The following FRMD5 variants were observed in gnomAD, a reference collection of about 807,000 sequenced individuals.
The protein encoded by FRMD5 is FERM domain-containing protein 5.
Under a neutral mutation model 69.0 loss-of-function variants are expected in FRMD5, and 20 were observed. The ratio of observed to expected loss-of-function variants is 0.29; its 90% CI spans 0.20 to 0.42. The LOEUF is 0.42. FRMD5 is among the 10% of genes least tolerant of loss of function. The pLI is 1.00. For missense variants in FRMD5, 595 were observed against 708.6 expected, an observed-to-expected ratio of 0.84 and a Z score of 1.82; for synonymous variants, 271 against 260.1, an observed-to-expected ratio of 1.04 and a Z score of -0.40.
At chr15:43,954,171 T>C (rs1432206904) in intron 1 of FRMD5, among the ~76,000 whole-genome samples, 1 of 152,234 alleles carries the variant, frequency 6.6e-6, no homozygotes, top group African/African-American at 2.4e-5. Flanking sequence ...TGTGCATTTC[T>C]CATCTCTTCT....
chr15:44,145,314 G>C (rs760868968), intron 1 of FRMD5, among the ~76,000 whole-genome samples: 1 of 152,158 alleles, frequency 6.6e-6, no homozygotes, highest in Non-Finnish European at 1.5e-5. Flanking sequence ...TAGTGTGCCT[G>C]TTAACACAAC....
chr15:44,047,916 A>G (rs1029448156), intron 1 of FRMD5, among the ~76,000 whole-genome samples: 3 of 152,150 alleles, frequency 2.0e-5, no homozygotes, highest in Non-Finnish European at 2.9e-5. Context: ...ATCATATTCT[A>G]TTACATGGAT....
At chr15:44,163,180 A>AC (rs1236100986) in intron 1 of FRMD5, among the ~76,000 whole-genome samples, 1 of 149,360 alleles carries the variant, frequency 6.7e-6, no homozygotes, top group Admixed American at 6.6e-5. Context: ...TCTCAAAAAA[A>AC]CAAAACAAAA....
chr15:44,012,861 G>A (rs902374381), intron 1 of FRMD5, among the ~76,000 whole-genome samples: 4 of 145,704 alleles, frequency 2.7e-5, no homozygotes, highest in African/African-American at 5.1e-5. Context: ...CTGCTTCCCC[G>A]GTTCAAGGGA....
chr15:44,048,518 C>T (rs945393559), intron 1 of FRMD5, among the ~76,000 whole-genome samples: 2 of 152,008 alleles, frequency 1.3e-5, no homozygotes, highest in Non-Finnish European at 2.9e-5. Context: ...TGTCTTTTTA[C>T]TTTCTTGGTG....
At chr15:44,130,676 C>T (rs1035056292) in intron 1 of FRMD5, among the ~76,000 whole-genome samples, 3 of 152,062 alleles carry the variant, frequency 2.0e-5, no homozygotes, top group Non-Finnish European at 2.9e-5. Flanking sequence ...TACAGGGCAG[C>T]ACCTGTTTAC....
At chr15:44,116,622 G>A (rs1268372820) in intron 1 of FRMD5, among the ~76,000 whole-genome samples, 2 of 152,060 alleles carry the variant, frequency 1.3e-5, no homozygotes, top group Non-Finnish European at 2.9e-5. Flanking sequence ...CAACAGGTTA[G>A]GGTTGGGAGA....
intron 1 of FRMD5, among the ~76,000 whole-genome samples, chr15:44,088,274 C>A (rs1160806288): frequency 6.6e-6 from 1 of 152,078 alleles, no homozygotes; most frequent in Admixed American, 6.6e-5. Context: ...CCGAAAGAAA[C>A]CATGTGCCCA....
At chr15:44,174,945 A>G (rs1246381143) in intron 1 of FRMD5, among the ~76,000 whole-genome samples, 1 of 152,134 alleles carries the variant, frequency 6.6e-6, no homozygotes, top group South Asian at 2.1e-4. Flanking sequence ...AGAACAAATA[A>G]CTAATGCATG....
At chr15:44,015,588 C>T (rs548626874) in intron 1 of FRMD5, among the ~76,000 whole-genome samples, 1 of 152,216 alleles carries the variant, frequency 6.6e-6, no homozygotes, top group East Asian at 1.9e-4. Context: ...GAAATAAGGT[C>T]ATTCTTTTTA....
At chr15:44,089,112 A>G (rs1316287992) in intron 1 of FRMD5, among the ~76,000 whole-genome samples, 2 of 152,222 alleles carry the variant, frequency 1.3e-5, no homozygotes, top group East Asian at 1.9e-4. Flanking sequence ...GATATAATAG[A>G]AAGAATTTAT....
chr15:44,197,463 C>G (rs1250183255), upstream of FRMD5, among the ~76,000 whole-genome samples: 1 of 151,646 alleles, frequency 6.6e-6, no homozygotes, highest in African/African-American at 2.4e-5. Context: ...GTGGGTGGAT[C>G]ACGAGGTCAG....
chr15:44,038,145 T>G (rs1283700736), intron 1 of FRMD5, among the ~76,000 whole-genome samples: 3 of 151,682 alleles, frequency 2.0e-5, no homozygotes, highest in Non-Finnish European at 2.9e-5. Context: ...TTTGATGGGG[T>G]TTTTTTTATT....
intron 1 of FRMD5, among the ~76,000 whole-genome samples, chr15:43,947,223 G>A (rs1396432622): frequency 1.3e-5 from 2 of 152,176 alleles, no homozygotes; most frequent in Non-Finnish European, 2.9e-5. Context: ...TTACACAGCG[G>A]TGGCTGCTAG....
intron 1 of FRMD5, among the ~76,000 whole-genome samples, chr15:43,957,494 A>G (rs2090133767): frequency 6.6e-6 from 1 of 152,220 alleles, no homozygotes; most frequent in African/African-American, 2.4e-5. Flanking sequence ...CATTAAGCCC[A>G]GCCTCTGATA....
intron 1 of FRMD5, among the ~76,000 whole-genome samples, chr15:44,007,995 G>GCA (rs1890538016): frequency 6.6e-6 from 1 of 151,928 alleles, no homozygotes; most frequent in Admixed American, 6.6e-5. Flanking sequence ...TGGCTAGAGT[G>GCA]CAGTGGGATG....
intron 1 of FRMD5, among the ~76,000 whole-genome samples, chr15:44,144,837 G>A (rs1002661332): frequency 1.3e-5 from 2 of 152,192 alleles, no homozygotes; most frequent in Non-Finnish European, 2.9e-5. Context: ...TGAGAAGATT[G>A]AGGAAACCTG....
intron 13 of FRMD5, among the ~76,000 whole-genome samples, chr15:43,875,366 ATATATATAT>A (rs1567202154): frequency 1.8e-4 from 14 of 79,766 alleles, no homozygotes; most frequent in South Asian, 4.5e-4. Context: ...AAAAAAAAAT[ATATATATAT>A]ATATATATAT....
intron 1 of FRMD5, among the ~76,000 whole-genome samples, chr15:43,967,658 G>T (rs28431326): frequency 0.031 from 4,744 of 152,186 alleles, 146 homozygotes; most frequent in Admixed American, 0.086. Context: ...AGGCTGCACT[G>T]TTAGTACATT....
Sources: allele counts gnomAD v4.1 joint callset (sites outside exome capture counted in the v4.1 genomes callset), GRCh38; gene constraint gnomAD v4.1.1; transcripts MANE v1.5; gene names NCBI Gene and HGNC (gene_info 2026-07-23, HGNC 2026-07-21).